Variants in AGPAT4 observed in about 807,000 individuals in gnomAD.
AGPAT4 encodes the protein 1-acyl-sn-glycerol-3-phosphate acyltransferase delta.
AGPAT4 carries 15 observed loss-of-function variants against 48.0 expected under a neutral mutation model. The ratio of observed to expected loss-of-function variants is 0.31; its 90% CI spans 0.21 to 0.48. The LOEUF is 0.48. AGPAT4 is among the 20% of genes least tolerant of loss of function. AGPAT4 has a pLI of 0.99. For missense variants in AGPAT4, 314 were observed against 482.5 expected (o/e 0.65, Z 3.27); for synonymous variants, 178 against 198.7 (o/e 0.90, Z 0.88).
chr6:161,132,197 C>T lies in AGPAT4; in HGVS notation c.*4343G>A, dbSNP rs1266356629. On this transcript the variant is annotated 3_prime_UTR_variant, in exon 9 of 9. Coordinates refer to ENST00000320285, the MANE Select transcript of AGPAT4 (RefSeq NM_020133.3). Reference sequence around the variant, plus strand: ...GTGACTTCAGCTTCATTCATCCTGGCCAAACAAAAAAAGTTCAAAAAATTG... The same window carrying T: ...GTGACTTCAGCTTCATTCATCCTGGTCAAACAAAAAAAGTTCAAAAAATTG... 1 of 151,992 alleles carries T rather than the reference C, an allele frequency of 6.6e-6. No individual in the cohort carries two copies. Among genetic ancestry groups the T allele is most frequent in the South Asian group, 2.1e-4 (1 of 4,824 alleles). The allele number at this position is 151,992 out of a possible 1,614,324, so 9.4% of individuals were successfully genotyped here.
Position 161,165,877 on chromosome 6 carries a change from G to T in AGPAT4, c.348+371C>A. 1 of 593,610 alleles carries T rather than the reference G, an allele frequency of 1.7e-6. No homozygotes were observed. The highest frequency in any genetic ancestry group is 3.0e-6 in the Non-Finnish European group (1 of 332,964). The allele number at this position is 593,610 out of a possible 1,614,324, so 36.8% of individuals were successfully genotyped here. A position where few individuals can be genotyped will look rare whatever the true frequency, so the allele number is the denominator to read the frequency against. ...AGTAGAGCATGGAATTAAGAAATAT[G>T]GATGGGAGTGAAATCCAAATCTAAT... On this transcript the variant is annotated intron_variant, in intron 3 of 8. Coordinates refer to ENST00000320285, the MANE Select transcript of AGPAT4 (RefSeq NM_020133.3). This position sits in a 1 kb window ranked among gnomAD's most constrained non-coding sequence, Gnocchi z 5.5.
intron 2 of AGPAT4, among the ~76,000 whole-genome samples, chr6:161,188,534 A>G (rs1042750820): frequency 3.3e-5 from 5 of 152,222 alleles, no homozygotes; most frequent in Admixed American, 1.3e-4. Context: ...AATTTCAGAT[A>G]AATTACACTT....
rs151149373 is a variant in AGPAT4 at position 161,172,028 on chromosome 6, C to T, written c.179-5611G>A. Among the ~76,000 whole-genome samples the T allele has an allele frequency of 2.3e-3, 349 of 152,276 alleles. 2 individuals are homozygous for T. Among genetic ancestry groups the T allele is most frequent in the Admixed American group, 5.3e-3 (81 of 15,300 alleles). On this transcript the variant is annotated intron_variant, in intron 2 of 8. Transcript: ENST00000320285. ...GGCATCCAAACTAACACATATTAAACAACCAGAAAAAGCAACCAAGGCTTT... is the reference window on the plus strand; with the variant it reads ...GGCATCCAAACTAACACATATTAAATAACCAGAAAAAGCAACCAAGGCTTT...
chr6:161,239,664 T>G (rs1378225555), intron 1 of AGPAT4, among the ~76,000 whole-genome samples: 1 of 152,188 alleles, frequency 6.6e-6, no homozygotes, highest in African/African-American at 2.4e-5. Flanking sequence ...TCTTTTGACC[T>G]CAAAATCCAG....
At position 161,198,330 on chromosome 6, in the gene AGPAT4, G is replaced by C. The variant is rs80037672; in HGVS notation, c.179-31913C>G. Among the ~76,000 whole-genome samples the C allele has an allele frequency of 4.6e-3, 699 of 152,304 alleles. 7 individuals are homozygous for C. The highest frequency in any genetic ancestry group is 0.016 in the African/African-American group (675 of 41,562). On this transcript the variant is annotated intron_variant, in intron 2 of 8. Coordinates refer to ENST00000320285, the MANE Select transcript of AGPAT4 (RefSeq NM_020133.3). The surrounding 1 kb of genome is among the most constrained non-coding windows in gnomAD (Gnocchi z 4.3). ...TGATTTCACAATCCCCTCTCCTCCG[G>C]GGCATTTGGCAATGTCTGGAGACAT... is the stretch of plus-strand genomic sequence containing the variant.
At position 161,224,377 on chromosome 6, in the gene AGPAT4, C is replaced by T. The variant is rs115293781; in HGVS notation, c.178+7659G>A. ...ACCAGACTGCAGCCAGATGTGGTGG[C>T]TCACTCCTGTAATCCCAGCACTTTG... On this transcript the variant is annotated intron_variant, in intron 2 of 8. Coordinates refer to ENST00000320285, the MANE Select transcript of AGPAT4 (RefSeq NM_020133.3). Among the ~76,000 whole-genome samples, 640 of 151,976 alleles carry T rather than the reference C, an allele frequency of 4.2e-3. 5 individuals are homozygous for T. Among genetic ancestry groups the T allele is most frequent in the African/African-American group, 0.015 (609 of 41,436 alleles).
At chr6:161,260,593 T>G (rs1195034264) in intron 1 of AGPAT4, among the ~76,000 whole-genome samples, 17 of 136,332 alleles carry the variant, frequency 1.2e-4, no homozygotes, top group Non-Finnish European at 2.4e-4. Context: ...GAGGCGGAGG[T>G]TGCAGTGAGC....
Position 161,153,508 on chromosome 6 carries a change from A to G in AGPAT4, c.511-9T>C. On this transcript the variant is annotated splice_polypyrimidine_tract_variant and intron_variant, in intron 4 of 8. Coordinates refer to ENST00000320285, the MANE Select transcript of AGPAT4 (RefSeq NM_020133.3). Reference sequence around the variant, plus strand: ...TCACAGTGAATCAGGAACTGGAAGGAAGGAGGCAGGAGTCGCACGCAGCCT... The same window carrying G: ...TCACAGTGAATCAGGAACTGGAAGGGAGGAGGCAGGAGTCGCACGCAGCCT... The G allele has an allele frequency of 6.2e-7, 1 of 1,613,228 alleles. No individual in the cohort carries two copies. Among genetic ancestry groups the G allele is most frequent in the South Asian group, 1.1e-5 (1 of 90,806 alleles).
At position 161,232,803 on chromosome 6, in the gene AGPAT4, G is replaced by C. The variant is rs930365037; in HGVS notation, c.-89-501C>G. 6.6e-6 allele frequency among the ~76,000 whole-genome samples: 1 copy of C among 152,200 alleles called. No individual in the cohort carries two copies. The highest frequency in any genetic ancestry group is 6.5e-5 in the Admixed American group (1 of 15,280). On this transcript the variant is annotated intron_variant, in intron 1 of 8. Transcript: ENST00000320285. This position sits in a 1 kb window ranked among gnomAD's most constrained non-coding sequence, Gnocchi z 6.8. ...CTCACCCCTCGCTTCCAGCAGGACT[G>C]CCCTAAAGTCAAGCCTGCCCTGGAC...
chr6:161,166,116 T>C lies in AGPAT4; in HGVS notation c.348+132A>G, dbSNP rs1780088909. 1 of 1,235,558 alleles carries C rather than the reference T, an allele frequency of 8.1e-7. No individual in the cohort carries two copies. The highest frequency in any genetic ancestry group is 1.1e-6 in the Non-Finnish European group (1 of 882,934). 76.5% of individuals were successfully genotyped at this position (1,235,558 alleles called of 1,614,324 possible). ...CCCAGCAAGAATAAAAAGCAGTTTATTAGGACCATTTCATCAAGTAGAAAC... is the reference window on the plus strand; with the variant it reads ...CCCAGCAAGAATAAAAAGCAGTTTACTAGGACCATTTCATCAAGTAGAAAC... On this transcript the variant is annotated intron_variant, in intron 3 of 8. Transcript: ENST00000320285. This position sits in a 1 kb window ranked among gnomAD's most constrained non-coding sequence, Gnocchi z 6.7.
At position 161,202,817 on chromosome 6, in the gene AGPAT4, G is replaced by A. The variant is rs1781270676; in HGVS notation, c.178+29219C>T. ...CCGTGAATGGGGACACTGACTTTTG[G>A]AGCCCTAAACTACCAGCTAAGAAAT... On this transcript the variant is annotated intron_variant, in intron 2 of 8. Transcript: ENST00000320285. This position sits in a 1 kb window ranked among gnomAD's most constrained non-coding sequence, Gnocchi z 5.4. Among the ~76,000 whole-genome samples the A allele has an allele frequency of 6.6e-6, 1 of 152,142 alleles. No individual in the cohort carries two copies. Among genetic ancestry groups the A allele is most frequent in the African/African-American group, 2.4e-5 (1 of 41,434 alleles).
intron 5 of AGPAT4, among the ~76,000 whole-genome samples, chr6:161,151,794 C>T (rs781001654): frequency 2.6e-5 from 4 of 152,164 alleles, no homozygotes; most frequent in Admixed American, 6.5e-5. Flanking sequence ...AGGGTCTTGA[C>T]GCTGCTGGAC....
chr6:161,175,996 G>A (rs920068537), intron 2 of AGPAT4, among the ~76,000 whole-genome samples: 2 of 152,200 alleles, frequency 1.3e-5, no homozygotes, highest in Non-Finnish European at 2.9e-5. Flanking sequence ...ACTGTGGTCT[G>A]AGAGACAGTT....
In AGPAT4 at chr6:161,195,531, C is replaced by T. The variant is rs1228648288; in HGVS notation, c.179-29114G>A. ...TTTAAAAGCTCAAAGCGCTTCCTAG[C>T]GCACACTTCATGTAACAGTTCACTC... is the stretch of plus-strand genomic sequence containing the variant. On this transcript the variant is annotated intron_variant, in intron 2 of 8. Coordinates refer to ENST00000320285, the MANE Select transcript of AGPAT4 (RefSeq NM_020133.3). The surrounding 1 kb of genome is among the most constrained non-coding windows in gnomAD (Gnocchi z 5.0). Among the ~76,000 whole-genome samples the T allele has an allele frequency of 3.9e-5, 6 of 152,188 alleles. No homozygotes were observed. Among genetic ancestry groups the T allele is most frequent in the Non-Finnish European group, 8.8e-5 (6 of 68,040 alleles).
intron 2 of AGPAT4, among the ~76,000 whole-genome samples, chr6:161,209,142 C>G (rs1019598683): frequency 4.6e-5 from 7 of 152,204 alleles, no homozygotes; most frequent in African/African-American, 1.7e-4. Context: ...CATTCCTCAT[C>G]GAAGTGGAAC....
chr6:161,168,929 C>T (rs371047724), intron 2 of AGPAT4, among the ~76,000 whole-genome samples: 3 of 152,170 alleles, frequency 2.0e-5, no homozygotes, highest in Non-Finnish European at 4.4e-5. Context: ...AGGTAAATGC[C>T]GTTAGAGATG....
intron 2 of AGPAT4, among the ~76,000 whole-genome samples, chr6:161,224,674 A>G (rs1781924772): frequency 6.6e-6 from 1 of 151,128 alleles, no homozygotes; most frequent in South Asian, 2.1e-4. Context: ...AGAAAACCAG[A>G]CTGCAAGCTC....
chr6:161,193,987 A>G (rs1780994069), intron 2 of AGPAT4, among the ~76,000 whole-genome samples: 1 of 152,206 alleles, frequency 6.6e-6, no homozygotes, highest in African/African-American at 2.4e-5. Flanking sequence ...ATTTTCCTGT[A>G]TGTAAAAGAA....
intron 4 of AGPAT4, among the ~76,000 whole-genome samples, chr6:161,153,918 C>A (rs1779679709): frequency 1.3e-5 from 2 of 151,942 alleles, no homozygotes. Flanking sequence ...GCCCTGGGGT[C>A]ACACACGGCC....
Sources: allele counts gnomAD v4.1 joint callset (sites outside exome capture counted in the v4.1 genomes callset), GRCh38; gene constraint gnomAD v4.1.1; non-coding constraint Gnocchi (gnomAD v3.1); transcripts MANE v1.5; gene names NCBI Gene and HGNC (gene_info 2026-07-23, HGNC 2026-07-21).